KDM6A: variants seen among roughly 807,000 people sequenced by gnomAD.
KDM6A encodes the protein lysine demethylase 6A, also known as lysine-specific demethylase 6A.
A neutral mutation model predicts 117.6 loss-of-function variants in KDM6A; 11 were observed. The observed-to-expected ratio is 0.09, with a 90% CI of 0.06 to 0.15. KDM6A has a LOEUF of 0.15. Ranked by LOEUF, KDM6A falls within the 10% of genes least tolerant of loss-of-function variation. The pLI is 1.00. For missense variants in KDM6A, 799 were observed against 1,077.3 expected (o/e 0.74, Z 3.62); for synonymous variants, 384 against 396.1 (o/e 0.97, Z 0.36).
chrX:44,943,673 T>TTGTTTATCC (rs1225888804), intron 2 of KDM6A, among the ~76,000 whole-genome samples: 2 of 112,487 alleles, frequency 1.8e-5, no homozygotes, highest in Non-Finnish European at 3.8e-5. Flanking sequence ...GTATCACAGT[T>TTGTTTATCC]TGTTTATCCA....
chrX:44,946,064 C>A (rs1288721733), intron 2 of KDM6A, among the ~76,000 whole-genome samples: 1 of 112,303 alleles, frequency 8.9e-6, no homozygotes, highest in Admixed American at 9.4e-5. Flanking sequence ...CTTTGTTATT[C>A]ATTCTTGCCA....
intron 2 of KDM6A, among the ~76,000 whole-genome samples, chrX:44,933,726 C>T (rs1307778983): frequency 9.1e-6 from 1 of 110,274 alleles, no homozygotes; most frequent in Admixed American, 9.7e-5. Context: ...TATAGGTGCC[C>T]ACCACCATGC....
At chrX:45,102,246 A>G (rs1011417702) in intron 27 of KDM6A, among the ~76,000 whole-genome samples, 2 of 111,846 alleles carry the variant, frequency 1.8e-5, no homozygotes, top group African/African-American at 6.5e-5. Context: ...CTCTATGCAA[A>G]GAACTCTGGG....
At position 45,054,362 on chromosome X, in the gene KDM6A, C is replaced by G. The variant is rs111956653; in HGVS notation, c.875+407C>G. 6.8e-3 allele frequency among the ~76,000 whole-genome samples: 755 copies of G among 111,274 alleles called. 6 individuals carry two copies. The highest frequency in any genetic ancestry group is 0.024 in the African/African-American group (729 of 30,562). On this transcript the variant is annotated intron_variant, in intron 10 of 29. Transcript: ENST00000611820. Reference sequence around the variant, plus strand: ...TGATGACTACTGGTAGTCAATGGAACCTTTATAATTTATAATTTTGATTCA... The same window carrying G: ...TGATGACTACTGGTAGTCAATGGAAGCTTTATAATTTATAATTTTGATTCA...
At chrX:44,905,563 T>C (rs1385448133) in intron 2 of KDM6A, among the ~76,000 whole-genome samples, 2 of 112,014 alleles carry the variant, frequency 1.8e-5, no homozygotes, top group African/African-American at 3.2e-5. Context: ...AATTGTAGCT[T>C]GAGGATTTTT....
intron 4 of KDM6A, among the ~76,000 whole-genome samples, chrX:44,993,176 C>T (rs934386559): frequency 1.1e-4 from 12 of 111,416 alleles, no homozygotes; most frequent in African/African-American, 3.9e-4. Context: ...TATATCACCA[C>T]CTTTTTTGAT....
chrX:45,085,794 T>G (rs951942282), intron 24 of KDM6A, 71 bp from the exon 25 acceptor site: 4 of 580,721 alleles, frequency 6.9e-6, no homozygotes, highest in Non-Finnish European at 1.2e-5. Context: ...ATTAATTTTT[T>G]TCTGTATAAG....
chrX:45,095,238 A>G (rs2046055371), intron 27 of KDM6A, among the ~76,000 whole-genome samples: 1 of 111,317 alleles, frequency 9.0e-6, no homozygotes, highest in Admixed American at 9.6e-5. Context: ...GGTAGAGCCA[A>G]GATTTAAACC....
chrX:45,016,277 A>G (rs1174586441), intron 5 of KDM6A, among the ~76,000 whole-genome samples: 1 of 111,251 alleles, frequency 9.0e-6, no homozygotes, highest in African/African-American at 3.3e-5. Context: ...ATTTCCTAAT[A>G]TATATGTATA....
intron 2 of KDM6A, among the ~76,000 whole-genome samples, chrX:44,881,936 C>T (rs965371617): frequency 9.0e-6 from 1 of 110,613 alleles, no homozygotes; most frequent in Non-Finnish European, 1.9e-5. Context: ...GATCCCCCCG[C>T]GTCGGCCTCC....
intron 2 of KDM6A, among the ~76,000 whole-genome samples, chrX:44,881,661 T>C (rs2032306171): frequency 9.0e-6 from 1 of 111,018 alleles, no homozygotes; most frequent in South Asian, 3.8e-4. Flanking sequence ...TGTATGCTTT[T>C]TGTAATTTTC....
rs187729171 is a variant in KDM6A, at chrX:44,910,347, C to T, written c.225+36360C>T. On this transcript the variant is annotated intron_variant, in intron 2 of 29. Coordinates refer to ENST00000611820, the MANE Select transcript of KDM6A (RefSeq NM_001291415.2). ...ACTCACAGCCGTATGACACCATGCC[C>T]GGCTAATTTTTTTGTATTTTTAGTA... 2.4e-3 allele frequency among the ~76,000 whole-genome samples: 263 copies of T among 111,173 alleles called. 5 individuals carry two copies. In the South Asian group the frequency reaches 0.061, roughly 26 times the overall value.
intron 8 of KDM6A, among the ~76,000 whole-genome samples, chrX:45,048,772 A>G (rs1376749684): frequency 9.1e-6 from 1 of 109,349 alleles, no homozygotes; most frequent in Non-Finnish European, 1.9e-5. Context: ...CTCCAGTGCC[A>G]TCTGGTAGTT....
intron 2 of KDM6A, among the ~76,000 whole-genome samples, chrX:44,954,666 G>A (rs2038216956): frequency 9.0e-6 from 1 of 111,144 alleles, no homozygotes; most frequent in Admixed American, 9.7e-5. Flanking sequence ...TGGGGAACAG[G>A]GAAAGAAAAA....
intron 18 of KDM6A, among the ~76,000 whole-genome samples, chrX:45,072,393 T>G (rs995219407): frequency 9.0e-6 from 1 of 110,983 alleles, no homozygotes; most frequent in Non-Finnish European, 1.9e-5. Context: ...TTCCTAAAAT[T>G]TGTTTCTTTA....
intron 27 of KDM6A, among the ~76,000 whole-genome samples, chrX:45,094,286 C>T (rs1324140586): frequency 3.6e-5 from 4 of 111,632 alleles, no homozygotes; most frequent in South Asian, 3.8e-4. Flanking sequence ...GAAAGAAATT[C>T]GGTGATAGAT....
chrX:45,065,639 A>C, intron 17 of KDM6A, among the ~76,000 whole-genome samples: 1 of 112,020 alleles, frequency 8.9e-6, no homozygotes, highest in Non-Finnish European at 1.9e-5. Context: ...TAGTTGATAT[A>C]GAGTGATGTG....
intron 2 of KDM6A, among the ~76,000 whole-genome samples, chrX:44,918,775 A>G (rs1470323918): frequency 8.9e-6 from 1 of 111,840 alleles, no homozygotes; most frequent in African/African-American, 3.3e-5. Context: ...CAGATTCCTG[A>G]TTTAGCCATT....
chrX:45,095,478 T>A (rs766132824), intron 27 of KDM6A, among the ~76,000 whole-genome samples: 1 of 111,563 alleles, frequency 9.0e-6, no homozygotes, highest in South Asian at 3.8e-4. Flanking sequence ...GTGAGCTATA[T>A]AACAGGAGAG....
Sources: allele counts gnomAD v4.1 joint callset (sites outside exome capture counted in the v4.1 genomes callset), GRCh38; gene constraint gnomAD v4.1.1; transcripts MANE v1.5; gene names NCBI Gene and HGNC (gene_info 2026-07-23, HGNC 2026-07-21).